Variants in GABRB3 observed in about 807,000 individuals in gnomAD.
GABRB3 encodes gamma-aminobutyric acid type A receptor subunit beta3.
In GABRB3, 14 loss-of-function variants were observed where a neutral mutation model predicts 52.1. That is an observed-to-expected ratio of 0.27 (90% CI 0.18 to 0.42). The LOEUF (loss-of-function observed/expected upper bound fraction) is 0.42. Ranked by LOEUF, GABRB3 falls within the 10% of genes least tolerant of loss-of-function variation. GABRB3 has a pLI of 1.00. For missense variants in GABRB3, 307 were observed against 609.1 expected (o/e 0.50, Z 5.22); for synonymous variants, 260 against 232.3 (o/e 1.12, Z -1.08).
At chr15:26,605,674 G>C (rs1595475836) in intron 4 of GABRB3, among the ~76,000 whole-genome samples, 1 of 152,170 alleles carries the variant, frequency 6.6e-6, no homozygotes, top group East Asian at 1.9e-4. Context: ...GCCAGGCATA[G>C]AAAGACAAAC....
rs1337196779 is a variant in GABRB3, at chr15:26,683,785, C to G, written c.241-62251G>C. Among the ~76,000 whole-genome samples the G allele has an allele frequency of 2.6e-5, 4 of 151,386 alleles. No homozygotes were observed. In the Admixed American group the frequency reaches 2.7e-4, roughly 10 times the overall value. On this transcript the variant is annotated intron_variant, in intron 3 of 8. Transcript: ENST00000311550. Reference sequence around the variant, plus strand: ...CTCTAAAACTATATAGGATTATACACTCTCATACACTCATGAGTGGGGACC... The same window carrying G: ...CTCTAAAACTATATAGGATTATACAGTCTCATACACTCATGAGTGGGGACC...
At chr15:26,690,746 G>A (rs1193983929) in intron 3 of GABRB3, among the ~76,000 whole-genome samples, 1 of 151,574 alleles carries the variant, frequency 6.6e-6, no homozygotes, top group Non-Finnish European at 1.5e-5. Flanking sequence ...GGGAGAAAAA[G>A]GTATTGGATA....
chr15:26,750,520 C>A (rs1427336343), intron 3 of GABRB3, among the ~76,000 whole-genome samples: 3 of 151,594 alleles, frequency 2.0e-5, no homozygotes, highest in Non-Finnish European at 2.9e-5. Flanking sequence ...AAGGGACCAG[C>A]TGACATGGTA....
chr15:26,745,804 G>A (rs1215827500), intron 3 of GABRB3, among the ~76,000 whole-genome samples: 2 of 152,168 alleles, frequency 1.3e-5, no homozygotes, highest in Non-Finnish European at 2.9e-5. Context: ...TCTTTCTGTT[G>A]CTGAATAGAA....
intron 3 of GABRB3, among the ~76,000 whole-genome samples, chr15:26,634,038 C>A (rs1322696587): frequency 1.3e-5 from 2 of 152,166 alleles, no homozygotes; most frequent in Non-Finnish European, 2.9e-5. Flanking sequence ...CCCTTTGCAG[C>A]CTCCTTTAGT....
At chr15:26,603,727 T>G (rs1297416283) in intron 4 of GABRB3, among the ~76,000 whole-genome samples, 1 of 151,948 alleles carries the variant, frequency 6.6e-6, no homozygotes, top group Non-Finnish European at 1.5e-5. Context: ...TCAACATCCC[T>G]TCATGATAAA....
At chr15:26,581,287 A>G (rs1890779054) in intron 5 of GABRB3, 3 of 152,364 alleles carry the variant, frequency 2.0e-5, no homozygotes, top group Non-Finnish European at 4.4e-5. Flanking sequence ...TCAATATAAG[A>G]CTTTTTAATT....
At chr15:26,620,418 T>TC (rs1419909131) in intron 4 of GABRB3, among the ~76,000 whole-genome samples, 1 of 152,196 alleles carries the variant, frequency 6.6e-6, no homozygotes, top group Non-Finnish European at 1.5e-5. Flanking sequence ...TTATAGCTGT[T>TC]AAAGTCTTAG....
intron 4 of GABRB3, among the ~76,000 whole-genome samples, chr15:26,589,085 G>C (rs370300028): frequency 6.6e-6 from 1 of 152,168 alleles, no homozygotes; most frequent in African/African-American, 2.4e-5. Flanking sequence ...CAAGATCCAC[G>C]GATGTCAGTG....
intron 3 of GABRB3, among the ~76,000 whole-genome samples, chr15:26,707,453 G>C (rs968097624): frequency 6.6e-6 from 1 of 152,194 alleles, no homozygotes; most frequent in African/African-American, 2.4e-5. Context: ...ATCTAGGATA[G>C]AGTCACTCAG....
At chr15:26,596,565 A>T (rs553298502) in intron 4 of GABRB3, among the ~76,000 whole-genome samples, 1 of 152,300 alleles carries the variant, frequency 6.6e-6, no homozygotes, top group East Asian at 1.9e-4. Context: ...TAAATTATAC[A>T]TTTATGGGTA....
chr15:26,769,844 C>T (rs1273057580), intron 3 of GABRB3, among the ~76,000 whole-genome samples: 1 of 152,156 alleles, frequency 6.6e-6, no homozygotes, highest in African/African-American at 2.4e-5. Context: ...TGTGAACAAC[C>T]GTTTGTCATA....
At chr15:26,677,505 A>G in intron 3 of GABRB3, among the ~76,000 whole-genome samples, 1 of 152,134 alleles carries the variant, frequency 6.6e-6, no homozygotes, top group Non-Finnish European at 1.5e-5. Flanking sequence ...GGGAGACACC[A>G]CATATGCACT....
intron 3 of GABRB3, among the ~76,000 whole-genome samples, chr15:26,678,007 G>A (rs1888121041): frequency 6.6e-6 from 1 of 151,834 alleles, no homozygotes; most frequent in Admixed American, 6.6e-5. Context: ...CGCTGTGTGG[G>A]CATTTTAGCA....
chr15:26,611,117 C>T (rs1004810803), intron 4 of GABRB3, among the ~76,000 whole-genome samples: 6 of 151,958 alleles, frequency 3.9e-5, no homozygotes, highest in African/African-American at 9.7e-5. Flanking sequence ...TAAAAAATGG[C>T]GAACAAGGAA....
At chr15:26,712,807 C>T (rs773092808) in intron 3 of GABRB3, among the ~76,000 whole-genome samples, 1 of 152,116 alleles carries the variant, frequency 6.6e-6, no homozygotes, top group Non-Finnish European at 1.5e-5. Flanking sequence ...CCACAGCAAA[C>T]AGCTGGGAGG....
At chr15:26,681,272 C>T (rs750568661) in intron 3 of GABRB3, among the ~76,000 whole-genome samples, 1 of 152,172 alleles carries the variant, frequency 6.6e-6, no homozygotes, top group Non-Finnish European at 1.5e-5. Flanking sequence ...CCTTCCATCT[C>T]CTTCCTCAGG....
At chr15:26,742,924 C>CTTTTTTTTTTT (rs779891729) in intron 3 of GABRB3, among the ~76,000 whole-genome samples, 1 of 48,832 alleles carries the variant, frequency 2.0e-5, no homozygotes, top group South Asian at 1.2e-3. Flanking sequence ...ATTAGAGATT[C>CTTTTTTTTTTT]TTTTTTTTTT....
At chr15:26,562,157 A>T (rs1417690764) in intron 7 of GABRB3, among the ~76,000 whole-genome samples, 1 of 152,134 alleles carries the variant, frequency 6.6e-6, no homozygotes, top group South Asian at 2.1e-4. Flanking sequence ...GAGCTTGTGG[A>T]GTTAAGTTAC....
Sources: gnomAD v4.1 joint callset for allele counts (sites outside exome capture counted in the v4.1 genomes callset) on GRCh38, gnomAD v4.1.1 for gene constraint, MANE v1.5 for transcripts, NCBI Gene and HGNC (gene_info 2026-07-23, HGNC 2026-07-21) for gene names.